PPP1R8: variants seen among roughly 807,000 people sequenced by gnomAD.
PPP1R8 encodes nuclear inhibitor of protein phosphatase 1.
PPP1R8 carries 4 observed loss-of-function variants against 31.3 expected under a neutral mutation model. The observed-to-expected ratio is 0.13, with a 90% CI of 0.06 to 0.29. The LOEUF is 0.29. Among genes scored for constraint, PPP1R8 ranks in the 10% least tolerant of loss-of-function variants. The pLI, the probability that PPP1R8 is intolerant of heterozygous loss-of-function variation, is 1.00. For missense variants in PPP1R8, 254 were observed against 440.1 expected (o/e 0.58, Z 3.78); for synonymous variants, 170 against 169.7 (o/e 1.00, Z -0.01).
At chr1:27,832,622 G>A in intron 1 of PPP1R8, 134 bp from the exon 2 acceptor site, 1 of 644,942 alleles carries the variant, frequency 1.6e-6, no homozygotes, top group Non-Finnish European at 2.6e-6. Context: ...TAACAGTGAA[G>A]TGGATGACAT....
chr1:27,832,936 A>C, intron 2 of PPP1R8, 120 bp downstream of exon 2: 1 of 762,870 alleles, frequency 1.3e-6, no homozygotes, highest in Non-Finnish European at 2.1e-6. Context: ...TTTCATCCTG[A>C]TTTTTTTTTT....
chr1:27,847,183 T>G, intron 6 of PPP1R8, 91 bp downstream of exon 6: 1 of 1,312,222 alleles, frequency 7.6e-7, no homozygotes, highest in Non-Finnish European at 1.1e-6. Context: ...TCCAAGCACT[T>G]TGGGAGGCTG....
intron 5 of PPP1R8, among the ~76,000 whole-genome samples, chr1:27,844,452 C>T (rs2089253230): frequency 6.6e-6 from 1 of 151,784 alleles, no homozygotes; most frequent in African/African-American, 2.4e-5. Flanking sequence ...CTCAGCCTCC[C>T]AAGTAGCTGG....
chr1:27,838,828 G>A lies in PPP1R8; in HGVS notation c.247G>A (p.Val83Ile). 1 of 1,608,500 alleles carries A rather than the reference G, an allele frequency of 6.2e-7. No homozygotes were observed. Among genetic ancestry groups the A allele is most frequent in the Non-Finnish European group, 8.5e-7 (1 of 1,178,040 alleles). The change falls in exon 3 of 7, where the codon GTT becomes ATT. Residue 83 changes from valine (V) to isoleucine (I), a missense_variant. Coordinates refer to ENST00000311772, the MANE Select transcript of PPP1R8 (RefSeq NM_014110.5). ...TGTCTACCACAAGCATCTGAAGAGA[G>A]TTTTCCTGATAGATCTCAACAGTAG... ...ALVYHKHLKR[V>I]FLIDLNSTHG...
At chr1:27,831,447 T>A in intron 1 of PPP1R8, 1 of 747,244 alleles carries the variant, frequency 1.3e-6, no homozygotes, top group Non-Finnish European at 1.6e-6. Context: ...GCATGAACCC[T>A]TTTTATCCCT....
chr1:27,843,168 G>C lies in PPP1R8; in HGVS notation c.493-18G>C, dbSNP rs754331672. ...CTTTGTACTGACTGCTGTCTTTCCT[G>C]TATGAACCCTGGCTTAGAACCTGAC... On this transcript the variant is annotated intron_variant, in intron 4 of 6. Transcript: ENST00000311772. 2 of 1,613,854 alleles carry C rather than the reference G, an allele frequency of 1.2e-6. No homozygotes were observed. Among genetic ancestry groups the C allele is most frequent in the Non-Finnish European group, 1.7e-6 (2 of 1,179,916 alleles).
In PPP1R8 at chr1:27,847,066, G is replaced by T; in HGVS notation, c.676G>T (p.Val226Leu). 1 of 1,614,122 alleles carries T rather than the reference G, an allele frequency of 6.2e-7. No homozygotes were observed. Among genetic ancestry groups the T allele is most frequent in the African/African-American group, 1.3e-5 (1 of 75,038 alleles). Residue 226 changes from valine to leucine, a missense_variant, in exon 6 of 7, where the codon GTG (valine) becomes TTG (leucine). Val to Leu is a conservative substitution (Grantham distance 32). Coordinates refer to ENST00000311772, the MANE Select transcript of PPP1R8 (RefSeq NM_014110.5). ...CTCAGTTGGTCGATTCAGGAACATG[G>T]TGCAAACTGCAGTGGTCCCAGTCAA... is the stretch of plus-strand genomic sequence containing the variant. Reference protein sequence around the residue: ...DPSVGRFRNMVQTAVVPVKKK... With the variant: ...DPSVGRFRNMLQTAVVPVKKK...
intron 1 of PPP1R8, 76 bp downstream of exon 1, chr1:27,830,967 C>A: frequency 6.8e-7 from 1 of 1,467,608 alleles, no homozygotes; most frequent in Non-Finnish European, 9.0e-7. Flanking sequence ...TCTTTTTTTA[C>A]TTTTCTGCTG....
chr1:27,843,445 T>G, intron 5 of PPP1R8, 115 bp downstream of exon 5: 2 of 1,254,674 alleles, frequency 1.6e-6, no homozygotes, highest in Non-Finnish European at 2.3e-6. Flanking sequence ...TCACTTAAGG[T>G]CAAGAGTTCA....
At chr1:27,832,683 G>A (rs150823875) in intron 1 of PPP1R8, 73 bp from the exon 2 acceptor site, 361 of 1,303,398 alleles carry the variant, frequency 2.8e-4, no homozygotes, top group Middle Eastern at 2.0e-3. Context: ...CTGCAATGTT[G>A]AATGGGACAA....
In PPP1R8 at chr1:27,830,786, C is replaced by T; in HGVS notation, c.-50C>T. On this transcript the variant is annotated 5_prime_UTR_variant, in exon 1 of 7. Coordinates refer to ENST00000311772, the MANE Select transcript of PPP1R8 (RefSeq NM_014110.5). ...TGCCGCTTTTCCCTTCTCGGTCTTC[C>T]AGTTTCCCGGCGTGCTTAGGGCGCG... is the stretch of plus-strand genomic sequence containing the variant. The T allele has an allele frequency of 6.4e-7, 1 of 1,554,802 alleles. No homozygotes were observed. Among genetic ancestry groups the T allele is most frequent in the East Asian group, 2.4e-5 (1 of 41,256 alleles).
At chr1:27,840,446 G>A (rs548524408) in intron 3 of PPP1R8, among the ~76,000 whole-genome samples, 20 of 152,254 alleles carry the variant, frequency 1.3e-4, no homozygotes, top group Non-Finnish European at 2.4e-4. Context: ...GTAGGATTTT[G>A]GCTTGCTTTG....
In PPP1R8 at chr1:27,847,031, A is replaced by T. The variant is rs2089287892; in HGVS notation, c.641A>T (p.Asp214Val). 2 of 1,613,886 alleles carry T rather than the reference A, an allele frequency of 1.2e-6. No homozygotes were observed. The highest frequency in any genetic ancestry group is 1.7e-6 in the Non-Finnish European group (2 of 1,179,900). ...CTGCCCTCTTCTCTTTTTGCAGAGG[A>T]TGTGGATCCCTCAGTTGGTCGATTC... is the stretch of plus-strand genomic sequence containing the variant. The part of the protein sequence containing the change: ...SEDDEIINPE[D>V]VDPSVGRFRN... The change falls in exon 6 of 7, where the codon GAT (aspartate) becomes GTT (valine). Residue 214 changes from aspartate (D) to valine (V), a missense_variant. Asp to Val is a radical substitution (Grantham distance 152, BLOSUM62 -3). Transcript: ENST00000311772.
chr1:27,836,253 G>C (rs1041936566), intron 2 of PPP1R8, among the ~76,000 whole-genome samples: 2 of 152,266 alleles, frequency 1.3e-5, no homozygotes, highest in Non-Finnish European at 1.5e-5. Flanking sequence ...GCTCCCACTG[G>C]ATTACTAGAC....
intron 4 of PPP1R8, 125 bp from the exon 5 acceptor site, chr1:27,843,061 G>C: frequency 9.2e-7 from 1 of 1,090,586 alleles, no homozygotes; most frequent in East Asian, 2.4e-5. Context: ...ATGCAGAAGT[G>C]TCTCAACTCC....
Position 27,851,289 on chromosome 1 carries a change from C to A in PPP1R8, c.*843C>A, listed in dbSNP as rs970824752. On this transcript the variant is annotated 3_prime_UTR_variant, in exon 7 of 7. Transcript: ENST00000311772. ...AGATTTGTTTGGAAGTAACTGGTGTCTCTAAGAGGAATTTTTAGATGTCAG... is the reference window on the plus strand; with the variant it reads ...AGATTTGTTTGGAAGTAACTGGTGTATCTAAGAGGAATTTTTAGATGTCAG... The A allele has an allele frequency of 1.2e-5, 4 of 320,932 alleles. No individual in the cohort carries two copies. Among genetic ancestry groups the A allele is most frequent in the Non-Finnish European group, 6.2e-6 (1 of 161,348 alleles). The allele number at this position is 320,932 out of a possible 1,614,324, so 19.9% of individuals were successfully genotyped here. A position where few individuals can be genotyped will look rare whatever the true frequency, so the allele number is the denominator to read the frequency against.
chr1:27,844,607 G>C (rs1247195403), intron 5 of PPP1R8, among the ~76,000 whole-genome samples: 1 of 151,706 alleles, frequency 6.6e-6, no homozygotes, highest in African/African-American at 2.4e-5. Context: ...GATTACAGGC[G>C]TGAGCTACCG....
At chr1:27,844,734 G>A (rs2089256741) in intron 5 of PPP1R8, among the ~76,000 whole-genome samples, 1 of 107,924 alleles carries the variant, frequency 9.3e-6, no homozygotes, top group South Asian at 3.1e-4. Flanking sequence ...TTTTGAGACA[G>A]AGTCTCGCTC....
intron 5 of PPP1R8, 150 bp downstream of exon 5, chr1:27,843,480 A>C (rs2089242224): frequency 1.1e-6 from 1 of 934,340 alleles, no homozygotes; most frequent in Non-Finnish European, 1.6e-6. Flanking sequence ...AACAAGGTGA[A>C]ACCCCATCTC....
Sources: allele counts gnomAD v4.1 joint callset (sites outside exome capture counted in the v4.1 genomes callset), GRCh38; gene constraint gnomAD v4.1.1; transcripts MANE v1.5; gene names NCBI Gene and HGNC (gene_info 2026-07-23, HGNC 2026-07-21).